The following NELL1 variants were observed in gnomAD, a reference collection of about 807,000 sequenced individuals.
The protein encoded by NELL1 is protein kinase C-binding protein NELL1.
Under a neutral mutation model 107.4 loss-of-function variants are expected in NELL1, and 76 were observed. The ratio of observed to expected loss-of-function variants is 0.71; its 90% CI spans 0.59 to 0.86. The LOEUF (loss-of-function observed/expected upper bound fraction) is 0.86, where lower values mean the gene tolerates loss of function less well. Ranked by LOEUF, NELL1 falls within the 40% of genes least tolerant of loss-of-function variation. The pLI is 0.00. For synonymous variants in NELL1, 353 were observed against 341.2 expected, an observed-to-expected ratio of 1.03 and a Z score of -0.38; for missense variants, 1,024 against 1,005.5, an observed-to-expected ratio of 1.02 and a Z score of -0.25.
intron 16 of NELL1, among the ~76,000 whole-genome samples, chr11:21,546,510 T>A (rs971724764): frequency 1.3e-5 from 2 of 151,972 alleles, no homozygotes; most frequent in African/African-American, 4.8e-5. Flanking sequence ...GGTAACTGAA[T>A]CATGGGGGAG....
chr11:20,889,092 A>G (rs1849566404), intron 5 of NELL1, among the ~76,000 whole-genome samples: 1 of 152,212 alleles, frequency 6.6e-6, no homozygotes, highest in Admixed American at 6.5e-5. Context: ...ATGATATCAC[A>G]TTGCAAGGAT....
intron 13 of NELL1, among the ~76,000 whole-genome samples, chr11:21,116,407 A>G (rs1855237008): frequency 6.6e-6 from 1 of 151,940 alleles, no homozygotes; most frequent in Non-Finnish European, 1.5e-5. Context: ...GAGCTTTAAT[A>G]GTATCTTTAT....
At chr11:21,385,349 A>G (rs1851718973) in intron 15 of NELL1, among the ~76,000 whole-genome samples, 1 of 151,932 alleles carries the variant, frequency 6.6e-6, no homozygotes, top group South Asian at 2.1e-4. Context: ...TTAGTTTCGT[A>G]TTAGTCTCTA....
chr11:20,781,223 A>C (rs779317956), intron 2 of NELL1, among the ~76,000 whole-genome samples: 1 of 152,148 alleles, frequency 6.6e-6, no homozygotes, highest in Non-Finnish European at 1.5e-5. Flanking sequence ...AGAGTGGAGA[A>C]AAGGGAAAAA....
chr11:20,843,060 C>T (rs1406418395), intron 3 of NELL1, among the ~76,000 whole-genome samples: 3 of 151,994 alleles, frequency 2.0e-5, no homozygotes, highest in African/African-American at 7.3e-5. Flanking sequence ...TTTTCATCAT[C>T]TTTAGGATTT....
At chr11:20,847,789 C>T (rs774286689) in intron 4 of NELL1, 36 bp downstream of exon 4, 10 of 1,564,408 alleles carry the variant, frequency 6.4e-6, no homozygotes, top group Non-Finnish European at 8.7e-6. Context: ...TGATTCTGCC[C>T]TTGAAATCAA....
intron 14 of NELL1, among the ~76,000 whole-genome samples, chr11:21,277,859 C>A (rs536895224): frequency 2.0e-5 from 3 of 151,836 alleles, no homozygotes; most frequent in African/African-American, 7.3e-5. Flanking sequence ...TGAGAACACA[C>A]GGACACAGGA....
intron 12 of NELL1, among the ~76,000 whole-genome samples, chr11:21,011,456 C>G (rs970492657): frequency 6.6e-6 from 1 of 152,136 alleles, no homozygotes; most frequent in African/African-American, 2.4e-5. Context: ...GTAACAAATA[C>G]TGTACCTGAG....
intron 12 of NELL1, among the ~76,000 whole-genome samples, chr11:21,023,573 A>AT (rs200409400): frequency 4.7e-5 from 7 of 150,164 alleles, no homozygotes; most frequent in Non-Finnish European, 4.5e-5. Context: ...ATGCTGCTAA[A>AT]TTTTTTTTTT....
At chr11:21,564,096 C>T (rs923392632) in intron 17 of NELL1, among the ~76,000 whole-genome samples, 2 of 151,860 alleles carry the variant, frequency 1.3e-5, no homozygotes, top group African/African-American at 4.8e-5. Flanking sequence ...AGACTTCATC[C>T]TGTGGGCAGC....
intron 15 of NELL1, among the ~76,000 whole-genome samples, chr11:21,502,539 C>G (rs553447459): frequency 3.9e-5 from 6 of 152,300 alleles, no homozygotes; most frequent in Admixed American, 3.9e-4. Flanking sequence ...CTGATTTTAT[C>G]AGAATCTTTT....
chr11:21,153,700 C>G (rs1241048485), intron 13 of NELL1, among the ~76,000 whole-genome samples: 1 of 152,148 alleles, frequency 6.6e-6, no homozygotes, highest in African/African-American at 2.4e-5. Context: ...ATTTATCACA[C>G]TTATAAGAAG....
intron 15 of NELL1, among the ~76,000 whole-genome samples, chr11:21,419,040 C>T (rs944373022): frequency 6.6e-6 from 1 of 152,102 alleles, no homozygotes; most frequent in Non-Finnish European, 1.5e-5. Context: ...CTTCTGCCAC[C>T]CCCTTAATGA....
chr11:20,952,658 T>C (rs527260446), intron 11 of NELL1, among the ~76,000 whole-genome samples: 1 of 152,306 alleles, frequency 6.6e-6, no homozygotes, highest in South Asian at 2.1e-4. Context: ...TAAAGTGGAC[T>C]GGAAAGACAG....
chr11:21,064,784 C>A (rs1310866663), intron 12 of NELL1, among the ~76,000 whole-genome samples: 2 of 152,060 alleles, frequency 1.3e-5, no homozygotes, highest in African/African-American at 4.8e-5. Flanking sequence ...TTAAAACACA[C>A]CCACATCTCC....
chr11:21,499,476 G>T (rs750343321), intron 15 of NELL1, among the ~76,000 whole-genome samples: 8 of 151,956 alleles, frequency 5.3e-5, no homozygotes, highest in Non-Finnish European at 1.2e-4. Flanking sequence ...TTGTCATTTG[G>T]TGTTTGGTAA....
At chr11:21,221,374 A>G (rs988297771) in intron 13 of NELL1, among the ~76,000 whole-genome samples, 1 of 152,178 alleles carries the variant, frequency 6.6e-6, no homozygotes, top group Admixed American at 6.5e-5. Flanking sequence ...TGATTTTAGT[A>G]TCAGGGTAAT....
At chr11:20,840,506 G>A (rs992393990) in intron 3 of NELL1, among the ~76,000 whole-genome samples, 1 of 152,168 alleles carries the variant, frequency 6.6e-6, no homozygotes, top group African/African-American at 2.4e-5. Flanking sequence ...TCATAAAGCT[G>A]GTGTTTATAA....
chr11:21,017,024 G>T (rs1003745768), intron 12 of NELL1, among the ~76,000 whole-genome samples: 3 of 151,976 alleles, frequency 2.0e-5, no homozygotes, highest in African/African-American at 7.2e-5. Context: ...CAATTTTTAT[G>T]CTGGATTCCA....
Sources: gnomAD v4.1 joint callset for allele counts (sites outside exome capture counted in the v4.1 genomes callset) on GRCh38, gnomAD v4.1.1 for gene constraint, MANE v1.5 for transcripts, NCBI Gene and HGNC (gene_info 2026-07-23, HGNC 2026-07-21) for gene names.